Variants in OR2L13 observed in about 807,000 individuals in gnomAD.
OR2L13 encodes olfactory receptor family 2 subfamily L member 13.
OR2L13 carries 14 observed loss-of-function variants against 15.3 expected under a neutral mutation model. The observed-to-expected ratio is 0.91, with a 90% CI of 0.60 to 1.43. The LOEUF (loss-of-function observed/expected upper bound fraction) is 1.43, where lower values mean the gene tolerates loss of function less well. OR2L13 is among the 40% of genes most tolerant of loss of function. The pLI, the probability that OR2L13 is intolerant of heterozygous loss-of-function variation, is 0.00. For synonymous variants in OR2L13, 152 were observed against 142.9 expected, an observed-to-expected ratio of 1.06 and a Z score of -0.45; for missense variants, 367 against 387.9, an observed-to-expected ratio of 0.95 and a Z score of 0.45.
At chr1:248,070,052 A>G in the OR2L13 span, among the ~76,000 whole-genome samples, 131 of 152,202 alleles carry the variant, frequency 8.6e-4, 1 homozygote, top group Middle Eastern at 0.024. Flanking sequence ...CACTGTCAAC[A>G]TTAGACAGAT....
the OR2L13 span, among the ~76,000 whole-genome samples, chr1:247,951,708 C>T: frequency 1.3e-5 from 2 of 152,164 alleles, no homozygotes; most frequent in Non-Finnish European, 2.9e-5. Flanking sequence ...ACAATGTTTA[C>T]TGCTAATCTT....
the OR2L13 span, chr1:248,022,393 T>G: frequency 6.2e-7 from 1 of 1,614,198 alleles, no homozygotes; most frequent in Non-Finnish European, 8.5e-7. Flanking sequence ...GGATCTTGGA[T>G]GATAGGCTCC....
At chr1:248,089,528 G>A in the OR2L13 span, among the ~76,000 whole-genome samples, 4 of 152,174 alleles carry the variant, frequency 2.6e-5, no homozygotes, top group South Asian at 2.1e-4. Flanking sequence ...AAGTTCCTTC[G>A]GGGAAATTCC....
chr1:248,078,665 T>A, the OR2L13 span, among the ~76,000 whole-genome samples: 1 of 152,142 alleles, frequency 6.6e-6, no homozygotes, highest in African/African-American at 2.4e-5. Flanking sequence ...AACCTGTACA[T>A]GAAGGTCCAT....
At chr1:247,967,386 A>G in the OR2L13 span, among the ~76,000 whole-genome samples, 3 of 151,466 alleles carry the variant, frequency 2.0e-5, no homozygotes, top group African/African-American at 7.3e-5. Flanking sequence ...CCGCCACCAC[A>G]CCCGGCTAAT....
At chr1:248,040,564 ACAAAC>A in the OR2L13 span, 1 of 152,242 alleles carries the variant, frequency 6.6e-6, no homozygotes, top group African/African-American at 2.4e-5. Flanking sequence ...GAACTTTATG[ACAAAC>A]CTCTATCCCT....
At chr1:247,957,888 A>C in the OR2L13 span, among the ~76,000 whole-genome samples, 1 of 152,152 alleles carries the variant, frequency 6.6e-6, no homozygotes, top group Non-Finnish European at 1.5e-5. Context: ...CTTTTCAAAA[A>C]ACCAGCTCCT....
chr1:248,073,794 A>G, the OR2L13 span, among the ~76,000 whole-genome samples: 4 of 152,094 alleles, frequency 2.6e-5, no homozygotes, highest in South Asian at 2.1e-4. Context: ...TAGATAAATA[A>G]CATGTTTTGA....
the OR2L13 span, among the ~76,000 whole-genome samples, chr1:247,970,421 T>C: frequency 2.0e-5 from 3 of 152,104 alleles, no homozygotes; most frequent in Non-Finnish European, 4.4e-5. Flanking sequence ...AACAATGTAA[T>C]AGTTTTGTAA....
At chr1:248,049,190 A>G in the OR2L13 span, among the ~76,000 whole-genome samples, 1 of 152,134 alleles carries the variant, frequency 6.6e-6, no homozygotes, top group Admixed American at 6.6e-5. Context: ...AAATCTTGTG[A>G]TTCAGTTTTT....
chr1:248,060,966 G>A, the OR2L13 span: 2 of 1,614,002 alleles, frequency 1.2e-6, no homozygotes, highest in Non-Finnish European at 1.7e-6. Context: ...CCTTCACTGG[G>A]TGTGGGATTC....
the OR2L13 span, among the ~76,000 whole-genome samples, chr1:247,995,180 C>G: frequency 6.6e-6 from 1 of 152,194 alleles, no homozygotes; most frequent in Non-Finnish European, 1.5e-5. Context: ...CTCATCACTC[C>G]CTTTTCTCAG....
chr1:247,971,499 T>C, the OR2L13 span, among the ~76,000 whole-genome samples: 2 of 152,220 alleles, frequency 1.3e-5, no homozygotes, highest in African/African-American at 2.4e-5. Flanking sequence ...GATAGGGTCA[T>C]GTCATCAATA....
chr1:247,991,346 A>G, the OR2L13 span: 2 of 593,328 alleles, frequency 3.4e-6, no homozygotes, highest in Admixed American at 6.3e-5. Context: ...TTAGTCTGGC[A>G]TTTCAATTGC....
chr1:248,053,787 C>T, the OR2L13 span, among the ~76,000 whole-genome samples: 84 of 152,134 alleles, frequency 5.5e-4, 1 homozygote, highest in Middle Eastern at 3.4e-3. Context: ...ATGTCCTTTG[C>T]GCAATTTTAA....
chr1:248,037,124 C>G, the OR2L13 span, among the ~76,000 whole-genome samples: 39 of 152,130 alleles, frequency 2.6e-4, no homozygotes, highest in African/African-American at 7.9e-4. Flanking sequence ...GGTGGACATT[C>G]AAAATCAAGA....
the OR2L13 span, among the ~76,000 whole-genome samples, chr1:247,967,924 CTTCTTTCTTCT>C: frequency 4.0e-5 from 6 of 150,722 alleles, no homozygotes; most frequent in African/African-American, 7.4e-5. Flanking sequence ...CTTCTTCTTC[CTTCTTTCTTCT>C]TTCTTTCTTC....
chr1:247,981,887 C>CTGA, the OR2L13 span, among the ~76,000 whole-genome samples: 2 of 151,420 alleles, frequency 1.3e-5, no homozygotes, highest in Admixed American at 1.3e-4. Context: ...GTGATCTCAG[C>CTGA]TCACAGCAAG....
chr1:247,939,847 C>T, the OR2L13 span, among the ~76,000 whole-genome samples: 4 of 152,112 alleles, frequency 2.6e-5, no homozygotes, highest in African/African-American at 9.7e-5. Context: ...TTCAATCACT[C>T]AACACACTCT....
Sources: gnomAD v4.1 joint callset for allele counts (sites outside exome capture counted in the v4.1 genomes callset) on GRCh38, gnomAD v4.1.1 for gene constraint, MANE v1.5 for transcripts, NCBI Gene and HGNC (gene_info 2026-07-23, HGNC 2026-07-21) for gene names.